The following ZNF804A variants were observed in gnomAD, a reference collection of about 807,000 sequenced individuals.
The protein encoded by ZNF804A is zinc finger protein 804A.
ZNF804A carries 2 observed loss-of-function variants against 16.5 expected under a neutral mutation model. That is an observed-to-expected ratio of 0.12 (90% CI 0.05 to 0.38). The LOEUF (loss-of-function observed/expected upper bound fraction) is 0.38, where lower values mean the gene tolerates loss of function less well. Ranked by LOEUF, ZNF804A falls within the 10% of genes least tolerant of loss-of-function variation. ZNF804A has a pLI of 0.99. For missense variants in ZNF804A, 1,473 were observed against 1,390.7 expected, an observed-to-expected ratio of 1.06 and a Z score of -0.94; for synonymous variants, 534 against 489.6, an observed-to-expected ratio of 1.09 and a Z score of -1.20.
At chr2:184,684,091 G>A (rs965643457) in intron 1 of ZNF804A, among the ~76,000 whole-genome samples, 1 of 152,188 alleles carries the variant, frequency 6.6e-6, no homozygotes, top group Non-Finnish European at 1.5e-5. Flanking sequence ...TGGCTGTAGA[G>A]TGATACTTTT....
intron 1 of ZNF804A, among the ~76,000 whole-genome samples, chr2:184,792,913 C>A (rs1277381781): frequency 3.3e-5 from 5 of 152,000 alleles, no homozygotes; most frequent in Non-Finnish European, 7.4e-5. Context: ...GTTTTTAACC[C>A]AGCCCTCCCT....
intron 1 of ZNF804A, among the ~76,000 whole-genome samples, chr2:184,796,165 G>A (rs548943371): frequency 2.2e-4 from 33 of 152,076 alleles, no homozygotes; most frequent in African/African-American, 6.5e-4. Flanking sequence ...CAAGGCTATC[G>A]GTCTGTAGTT....
chr2:184,653,774 GC>G (rs1426404283), intron 1 of ZNF804A, among the ~76,000 whole-genome samples: 1 of 152,276 alleles, frequency 6.6e-6, no homozygotes, highest in East Asian at 1.9e-4. Flanking sequence ...CTGGTGGAAT[GC>G]CCCCAGAAGG....
At chr2:184,632,893 C>A (rs1397301957) in intron 1 of ZNF804A, among the ~76,000 whole-genome samples, 2 of 152,120 alleles carry the variant, frequency 1.3e-5, no homozygotes, top group Non-Finnish European at 2.9e-5. Context: ...CCTATGAATG[C>A]CTCCATGTAG....
At chr2:184,616,100 C>T (rs921893326) in intron 1 of ZNF804A, among the ~76,000 whole-genome samples, 3 of 152,046 alleles carry the variant, frequency 2.0e-5, no homozygotes, top group Non-Finnish European at 1.5e-5. Flanking sequence ...TACTTTTTTG[C>T]TGAGAAACAT....
chr2:184,748,161 G>A (rs915423379), intron 1 of ZNF804A, among the ~76,000 whole-genome samples: 1 of 151,234 alleles, frequency 6.6e-6, no homozygotes, highest in Non-Finnish European at 1.5e-5. Context: ...TTGCTGAGTT[G>A]AATGTTAGCT....
chr2:184,938,188 A>C lies in ZNF804A; in HGVS notation c.2792A>C (p.Asn931Thr). Residue 931 changes from asparagine to threonine, a missense_variant, in exon 4 of 4, where the codon AAT (asparagine) becomes ACT (threonine). By Grantham distance (65) the Asn-to-Thr change is moderately conservative (BLOSUM62 0). Transcript: ENST00000302277. Reference protein sequence around the residue: ...ASAPTKEAIDNTLLEHKERSE... With the variant: ...ASAPTKEAIDTTLLEHKERSE... ...GCCCCAACAAAAGAAGCAATTGACA[A>C]TACCCTGCTTGAACACAAAGAAAGA... 1 of 1,614,156 alleles carries C rather than the reference A, an allele frequency of 6.2e-7. No homozygotes were observed. The highest frequency in any genetic ancestry group is 1.3e-5 in the African/African-American group (1 of 75,062).
In ZNF804A at chr2:184,934,427, A is replaced by G. The variant is rs142316970; in HGVS notation, c.386+694A>G. ...TTATTGTCTATATCAAAATTATTTC[A>G]TTCCAAATCTACTTTTTGCTGAATA... On this transcript the variant is annotated intron_variant, in intron 3 of 3. Coordinates refer to ENST00000302277, the MANE Select transcript of ZNF804A (RefSeq NM_194250.2). Among the ~76,000 whole-genome samples the G allele has an allele frequency of 3.3e-3, 509 of 152,234 alleles. 2 individuals are homozygous for G. The highest frequency in any genetic ancestry group is 0.012 in the African/African-American group (488 of 41,554).
At position 184,936,056 on chromosome 2, in the gene ZNF804A, G is replaced by T. The variant is rs1394144524; in HGVS notation, c.660G>T (p.Lys220Asn). ...HKIGFSFAFP[K>N]KASVKLESSA... ...TCGGCTTTTCTTTTGCATTTCCAAAGAAAGCGTCCGTGAAGCTAGAGTCCT... is the reference window on the plus strand; with the variant it reads ...TCGGCTTTTCTTTTGCATTTCCAAATAAAGCGTCCGTGAAGCTAGAGTCCT... The change falls in exon 4 of 4, where the codon AAG becomes AAT. Residue 220 changes from lysine to asparagine, a missense_variant. By Grantham distance (94) the Lys-to-Asn change is moderately conservative. Transcript: ENST00000302277. 1.2e-6 allele frequency: 2 copies of T among 1,613,888 alleles called. No homozygotes were observed. The highest frequency in any genetic ancestry group is 2.7e-5 in the African/African-American group (2 of 74,914).
At chr2:184,636,119 G>A (rs1041207453) in intron 1 of ZNF804A, among the ~76,000 whole-genome samples, 8 of 151,782 alleles carry the variant, frequency 5.3e-5, no homozygotes, top group Non-Finnish European at 7.4e-5. Context: ...GCATGTACAC[G>A]TATACCCACT....
intron 1 of ZNF804A, among the ~76,000 whole-genome samples, chr2:184,703,348 C>T (rs969869869): frequency 1.3e-5 from 2 of 152,040 alleles, no homozygotes; most frequent in Non-Finnish European, 2.9e-5. Context: ...AAACCCTGTT[C>T]CATAAAGCAT....
At chr2:184,838,537 T>C (rs1172325068) in intron 1 of ZNF804A, among the ~76,000 whole-genome samples, 1 of 152,134 alleles carries the variant, frequency 6.6e-6, no homozygotes, top group African/African-American at 2.4e-5. Context: ...TAATTAAACT[T>C]TTCTTTGAGA....
chr2:184,622,056 C>T lies in ZNF804A; in HGVS notation c.111+22986C>T, dbSNP rs1181151121. On this transcript the variant is annotated intron_variant, in intron 1 of 3. Transcript: ENST00000302277. ...TTATTTGTATTTTATCCTAACGGAA[C>T]GCTATTTGGAAAGTACTCTGATTAT... is the stretch of plus-strand genomic sequence containing the variant. Among the ~76,000 whole-genome samples, 7 of 151,824 alleles carry T rather than the reference C, an allele frequency of 4.6e-5. No individual in the cohort carries two copies. In the South Asian group the frequency reaches 8.3e-4, roughly 18 times the overall value.
intron 1 of ZNF804A, among the ~76,000 whole-genome samples, chr2:184,731,251 CAAAAAAAAAAA>C (rs563068533): frequency 2.0e-4 from 9 of 45,296 alleles, no homozygotes; most frequent in East Asian, 8.9e-4. Context: ...GGCTCCGTCG[CAAAAAAAAAAA>C]AAAAAAAAAA....
intron 2 of ZNF804A, among the ~76,000 whole-genome samples, chr2:184,926,656 G>A (rs1685617406): frequency 6.6e-6 from 1 of 151,974 alleles, no homozygotes; most frequent in Non-Finnish European, 1.5e-5. Flanking sequence ...TCCCTTTTGA[G>A]GGTATTTTCC....
chr2:184,728,847 A>T (rs1423071849), intron 1 of ZNF804A, among the ~76,000 whole-genome samples: 2 of 151,926 alleles, frequency 1.3e-5, no homozygotes, highest in Non-Finnish European at 2.9e-5. Flanking sequence ...ACAATACAAT[A>T]CTATTTGGCT....
At chr2:184,933,143 G>A (rs62198465) in intron 2 of ZNF804A, among the ~76,000 whole-genome samples, 8 of 148,470 alleles carry the variant, frequency 5.4e-5, no homozygotes, top group Non-Finnish European at 6.0e-5. Context: ...ACACACACAC[G>A]CACACACACA....
At chr2:184,758,790 A>G (rs1693998083) in intron 1 of ZNF804A, among the ~76,000 whole-genome samples, 1 of 152,018 alleles carries the variant, frequency 6.6e-6, no homozygotes, top group Non-Finnish European at 1.5e-5. Flanking sequence ...CATTGGGTAT[A>G]TTATTGGGTG....
intron 1 of ZNF804A, among the ~76,000 whole-genome samples, chr2:184,769,971 A>T (rs751522089): frequency 2.3e-4 from 35 of 152,122 alleles, no homozygotes; most frequent in Non-Finnish European, 3.8e-4. Flanking sequence ...TATAACAAAG[A>T]TACATAAATA....
Sources: gnomAD v4.1 joint callset for allele counts (sites outside exome capture counted in the v4.1 genomes callset) on GRCh38, gnomAD v4.1.1 for gene constraint, MANE v1.5 for transcripts, NCBI Gene and HGNC (gene_info 2026-07-23, HGNC 2026-07-21) for gene names.